AMPD3: variants seen among roughly 807,000 people sequenced by gnomAD.
The protein encoded by AMPD3 is AMP deaminase 3.
In AMPD3, 57 loss-of-function variants were observed where a neutral mutation model predicts 82.3. The observed-to-expected ratio is 0.69, with a 90% CI of 0.56 to 0.86. The LOEUF (loss-of-function observed/expected upper bound fraction) is 0.86. Ranked by LOEUF, AMPD3 falls within the 40% of genes least tolerant of loss-of-function variation. The pLI is 0.00. For missense variants in AMPD3, 870 were observed against 1,003.8 expected (o/e 0.87, Z 1.80); for synonymous variants, 381 against 394.7 (o/e 0.97, Z 0.41).
upstream of AMPD3, chr11:10,450,772 A>C: frequency 1.7e-6 from 2 of 1,154,246 alleles, no homozygotes. Flanking sequence ...CAGGTAGGGC[A>C]CCGACGGGGG....
intron 2 of AMPD3, among the ~76,000 whole-genome samples, chr11:10,472,692 C>G (rs140778096): frequency 3.3e-5 from 5 of 152,290 alleles, no homozygotes; most frequent in Non-Finnish European, 7.3e-5. Context: ...AATAGTCAAT[C>G]TATCCCCTTT....
intron 10 of AMPD3, chr11:10,499,719 A>G: frequency 2.0e-6 from 2 of 985,380 alleles, no homozygotes; most frequent in Non-Finnish European, 2.4e-6. Context: ...GCTGATGGCA[A>G]TGGCCACTCC....
In AMPD3 at chr11:10,484,903, CA is replaced by C; in HGVS notation, c.674del (p.Gln225ArgfsTer34). On this transcript the variant is annotated frameshift_variant, in exon 5 of 15. Coordinates refer to ENST00000396553, the MANE Select transcript of AMPD3 (RefSeq NM_001025389.2). LOFTEE classifies it high-confidence loss of function. The stretch of plus-strand genomic sequence containing the variant: ...CAACCTGGATTACTTGGTCCACATG[CA>C]GGGGGGCATCCTCTTTGTGTATGAT... ...PPNLDYLVHMQGGILFVYDNK... is the reference protein window; with the variant it reads ...PPNLDYLVHMXGGILFVYDNK... The C allele has an allele frequency of 6.2e-7, 1 of 1,614,090 alleles. No individual in the cohort carries two copies. The highest frequency in any genetic ancestry group is 8.5e-7 in the Non-Finnish European group (1 of 1,180,012).
intron 5 of AMPD3, among the ~76,000 whole-genome samples, chr11:10,486,317 C>T (rs780547889): frequency 1.7e-4 from 26 of 152,140 alleles, no homozygotes; most frequent in Admixed American, 1.6e-3. Context: ...TGGAAGTCTA[C>T]GTGATTAGAT....
At chr11:10,475,918 T>C (rs533264697) in intron 2 of AMPD3, among the ~76,000 whole-genome samples, 11 of 152,244 alleles carry the variant, frequency 7.2e-5, no homozygotes, top group Admixed American at 7.2e-4. Context: ...TGGAAGTGAA[T>C]TCCTTCCCAG....
chr11:10,494,493 A>G (rs1198176399), intron 7 of AMPD3: 5 of 892,112 alleles, frequency 5.6e-6, no homozygotes, highest in Non-Finnish European at 6.7e-6. Context: ...GTTGTGTTGT[A>G]CATGCTTTAT....
intron 9 of AMPD3, chr11:10,496,385 C>T: frequency 4.1e-6 from 4 of 985,418 alleles, no homozygotes; most frequent in Non-Finnish European, 4.8e-6. Context: ...CTGGATGTCA[C>T]TCAGACGGCT....
At chr11:10,450,779 G>A (rs1847939650), upstream of AMPD3, 13 of 1,167,516 alleles carry the variant, frequency 1.1e-5, no homozygotes, top group Middle Eastern at 1.0e-3. Flanking sequence ...GGCACCGACG[G>A]GGGCTGCACG....
At chr11:10,500,362 C>A in intron 11 of AMPD3, 113 bp downstream of exon 11, 3 of 1,388,072 alleles carry the variant, frequency 2.2e-6, no homozygotes, top group Non-Finnish European at 3.0e-6. Context: ...GCACCTGAAC[C>A]AACATGCATG....
At chr11:10,488,304 A>G (rs1447732085) in intron 6 of AMPD3, 3 of 985,288 alleles carry the variant, frequency 3.0e-6, no homozygotes, top group Non-Finnish European at 3.6e-6. Flanking sequence ...GGTGAGCAAG[A>G]GTCACTTCCT....
chr11:10,461,698 A>T lies in AMPD3; in HGVS notation c.179A>T (p.Gln60Leu). 6.2e-7 allele frequency: 1 copy of T among 1,614,148 alleles called. No individual in the cohort carries two copies. The highest frequency in any genetic ancestry group is 1.1e-5 in the South Asian group (1 of 91,080). ...AAGGAAGCCAAGGAGAGGGAGCTGC[A>T]GAAGGAGCTGGCAGAGCAGAAGTCT... ...GQKEAKEREL[Q>L]KELAEQKSVE... The change falls in exon 2 of 15, where the codon CAG (glutamine) becomes CTG (leucine). Residue 60 changes from glutamine (Q) to leucine (L), a missense_variant. Coordinates refer to ENST00000396553, the MANE Select transcript of AMPD3 (RefSeq NM_001025389.2).
At chr11:10,495,539 C>A (rs200223605) in intron 8 of AMPD3, 31 bp from the exon 9 acceptor site, 32 of 1,612,258 alleles carry the variant, frequency 2.0e-5, no homozygotes, top group Non-Finnish European at 2.7e-5. Context: ...CTGGGATGCA[C>A]TGGGGCTGAC....
At chr11:10,453,273 C>A (rs1848005976), upstream of AMPD3, among the ~76,000 whole-genome samples, 1 of 152,216 alleles carries the variant, frequency 6.6e-6, no homozygotes, top group Non-Finnish European at 1.5e-5. Flanking sequence ...TTTAGCCATA[C>A]ACTCTACTCA....
intron 13 of AMPD3, among the ~76,000 whole-genome samples, chr11:10,503,563 T>C (rs1849634830): frequency 1.3e-5 from 2 of 152,232 alleles, no homozygotes; most frequent in African/African-American, 4.8e-5. Flanking sequence ...ACCTGTTGTT[T>C]ATGTGGGTTA....
At chr11:10,498,473 G>C (rs968216642) in intron 10 of AMPD3, 1 of 152,546 alleles carries the variant, frequency 6.6e-6, no homozygotes. Context: ...GCTCTGAAGA[G>C]GGGCTGAAAT....
chr11:10,493,533 A>T lies in AMPD3; in HGVS notation c.1124A>T (p.Asp375Val). Residue 375 changes from aspartate to valine, a missense_variant, in exon 7 of 15, where the codon GAT becomes GTT. Physicochemically the swap from Asp to Val is radical, Grantham distance 152 (BLOSUM62 -3). Transcript: ENST00000396553. The stretch of plus-strand genomic sequence containing the variant: ...TACGACCTCACTGTGGACTCACTGG[A>T]TGTCCACGCGGTGAGTGAGCTTCTG... ...DPYDLTVDSL[D>V]VHAGRQTFHR... The T allele has an allele frequency of 6.2e-7, 1 of 1,613,990 alleles. No homozygotes were observed.
At chr11:10,484,330 T>G (rs1848999996) in intron 4 of AMPD3, 40 of 985,066 alleles carry the variant, frequency 4.1e-5, no homozygotes, top group Non-Finnish European at 4.8e-5. Flanking sequence ...GGGGAGGGAG[T>G]GGCTTCTTTA....
At chr11:10,501,710 T>C (rs1282521729) in intron 12 of AMPD3, 120 bp downstream of exon 12, 14 of 1,529,088 alleles carry the variant, frequency 9.2e-6, no homozygotes, top group South Asian at 3.6e-5. Context: ...TCTGTCCTTA[T>C]CTTGGTTTTA....
chr11:10,475,313 C>T (rs1404555879), intron 2 of AMPD3, among the ~76,000 whole-genome samples: 1 of 152,122 alleles, frequency 6.6e-6, no homozygotes, highest in African/African-American at 2.4e-5. Flanking sequence ...CATGAAGGAT[C>T]CACCCCCATG....
Sources: allele counts gnomAD v4.1 joint callset (sites outside exome capture counted in the v4.1 genomes callset), GRCh38; gene constraint gnomAD v4.1.1; transcripts MANE v1.5; gene names NCBI Gene and HGNC (gene_info 2026-07-23, HGNC 2026-07-21).